Variants in ASIC2 observed in about 807,000 individuals in gnomAD.
The protein encoded by ASIC2 is acid-sensing ion channel 2.
Under a neutral mutation model 57.3 loss-of-function variants are expected in ASIC2, and 25 were observed. The ratio of observed to expected loss-of-function variants is 0.44; its 90% CI spans 0.32 to 0.61. The LOEUF (loss-of-function observed/expected upper bound fraction) is 0.61, where lower values mean the gene tolerates loss of function less well. Among genes scored for constraint, ASIC2 ranks in the 20% least tolerant of loss-of-function variants. The probability of loss-of-function intolerance (pLI) is 0.06; values close to 1 mark genes in which losing one functional copy is unlikely to be tolerated. For missense variants in ASIC2, 641 were observed against 738.1 expected (o/e 0.87, Z 1.52); for synonymous variants, 319 against 307.5 (o/e 1.04, Z -0.39).
At chr17:33,812,549 G>A (rs972182010) in intron 1 of ASIC2, among the ~76,000 whole-genome samples, 3 of 152,052 alleles carry the variant, frequency 2.0e-5, no homozygotes, top group African/African-American at 2.4e-5. Flanking sequence ...GCTCTGGCTC[G>A]CCCATATTGC....
intron 1 of ASIC2, among the ~76,000 whole-genome samples, chr17:33,426,600 C>T (rs948403629): frequency 1.3e-5 from 2 of 152,178 alleles, no homozygotes; most frequent in African/African-American, 4.8e-5. Context: ...GCCATCAGGG[C>T]TAGGCAGGTG....
At chr17:33,048,251 T>C (rs2091962702) in intron 3 of ASIC2, among the ~76,000 whole-genome samples, 1 of 152,186 alleles carries the variant, frequency 6.6e-6, no homozygotes, top group Non-Finnish European at 1.5e-5. Flanking sequence ...TAAGTGTCTG[T>C]TTTTTAAGGC....
intron 1 of ASIC2, among the ~76,000 whole-genome samples, chr17:33,733,240 A>C (rs1909802378): frequency 1.3e-5 from 2 of 152,214 alleles, no homozygotes; most frequent in South Asian, 4.1e-4. Flanking sequence ...TCTTCTTGTC[A>C]GAAGAGGGAA....
At chr17:33,531,944 G>C (rs1247587498) in intron 1 of ASIC2, among the ~76,000 whole-genome samples, 1 of 152,188 alleles carries the variant, frequency 6.6e-6, no homozygotes, top group Non-Finnish European at 1.5e-5. Context: ...AAGGGAAAAG[G>C]TATTATAATG....
chr17:33,741,327 T>A (rs1910105697), intron 1 of ASIC2, among the ~76,000 whole-genome samples: 1 of 152,232 alleles, frequency 6.6e-6, no homozygotes, highest in Non-Finnish European at 1.5e-5. Flanking sequence ...CTGGGCACTT[T>A]GTTCCTCATC....
intron 1 of ASIC2, among the ~76,000 whole-genome samples, chr17:33,779,967 CT>C (rs759850922): frequency 8.5e-4 from 72 of 85,186 alleles, no homozygotes; most frequent in East Asian, 3.5e-3. Context: ...CTACAGAAGC[CT>C]TTTTTTTTTT....
chr17:33,756,313 A>G (rs908063697), intron 1 of ASIC2, among the ~76,000 whole-genome samples: 11 of 152,234 alleles, frequency 7.2e-5, no homozygotes, highest in African/African-American at 2.7e-4. Context: ...CCAGCCCCTC[A>G]GATGGCAAGT....
chr17:33,710,279 T>C (rs1908987343), intron 1 of ASIC2, among the ~76,000 whole-genome samples: 1 of 152,228 alleles, frequency 6.6e-6, no homozygotes, highest in Non-Finnish European at 1.5e-5. Context: ...ATCCATCTAG[T>C]CACTCTTTTA....
intron 1 of ASIC2, among the ~76,000 whole-genome samples, chr17:34,143,374 T>C (rs1912325290): frequency 6.6e-6 from 1 of 152,184 alleles, no homozygotes; most frequent in African/African-American, 2.4e-5. Flanking sequence ...TGGTCCCAAA[T>C]GTGATGGTGT....
At chr17:33,411,694 T>C (rs1372401230) in intron 1 of ASIC2, among the ~76,000 whole-genome samples, 1 of 152,198 alleles carries the variant, frequency 6.6e-6, no homozygotes, top group Non-Finnish European at 1.5e-5. Context: ...AAATGAAGTC[T>C]TGGCATTTAC....
intron 1 of ASIC2, among the ~76,000 whole-genome samples, chr17:33,673,391 G>A (rs1384185785): frequency 6.6e-6 from 1 of 152,228 alleles, no homozygotes; most frequent in Non-Finnish European, 1.5e-5. Flanking sequence ...TTCTCTTGAA[G>A]CACACACTGT....
intron 1 of ASIC2, among the ~76,000 whole-genome samples, chr17:33,577,327 G>C (rs1011142888): frequency 1.3e-5 from 2 of 152,170 alleles, no homozygotes; most frequent in African/African-American, 4.8e-5. Flanking sequence ...AGCTTCAGAA[G>C]AGACTGAAGC....
chr17:33,693,007 G>T (rs948226058), intron 1 of ASIC2, among the ~76,000 whole-genome samples: 1 of 152,024 alleles, frequency 6.6e-6, no homozygotes, highest in Non-Finnish European at 1.5e-5. Context: ...ATTCTTTTTG[G>T]TGTAGGTTAT....
intron 1 of ASIC2, among the ~76,000 whole-genome samples, chr17:34,028,162 TACAATCCA>T (rs1294350528): frequency 6.6e-6 from 1 of 152,034 alleles, no homozygotes; most frequent in Non-Finnish European, 1.5e-5. Flanking sequence ...GCCCCCATGA[TACAATCCA>T]TTGCCCCCCA....
At chr17:33,677,886 T>G (rs1175012623) in intron 1 of ASIC2, among the ~76,000 whole-genome samples, 1 of 152,186 alleles carries the variant, frequency 6.6e-6, no homozygotes, top group Non-Finnish European at 1.5e-5. Context: ...TAAACTTAGT[T>G]GATAAAGCAG....
At chr17:34,151,080 G>A (rs1234503459) in intron 1 of ASIC2, among the ~76,000 whole-genome samples, 1 of 140,052 alleles carries the variant, frequency 7.1e-6, no homozygotes, top group Non-Finnish European at 1.5e-5. Context: ...TCCAGCCTGG[G>A]CAACAGAGTG....
intron 1 of ASIC2, among the ~76,000 whole-genome samples, chr17:33,927,404 A>T (rs986575061): frequency 6.6e-6 from 1 of 152,232 alleles, no homozygotes. Context: ...TGAATAAGCC[A>T]TGAGGGTTAC....
chr17:33,146,216 C>T (rs145252390), intron 1 of ASIC2, among the ~76,000 whole-genome samples: 1 of 152,296 alleles, frequency 6.6e-6, no homozygotes, highest in Non-Finnish European at 1.5e-5. Flanking sequence ...GAAAAGCTAC[C>T]ACCCACAGGA....
intron 1 of ASIC2, among the ~76,000 whole-genome samples, chr17:33,334,562 G>A (rs527731980): frequency 6.6e-6 from 1 of 152,226 alleles, no homozygotes; most frequent in Admixed American, 6.5e-5. Flanking sequence ...TATCAGTAAT[G>A]TGTCATCCTC....
Sources: allele counts gnomAD v4.1 joint callset (sites outside exome capture counted in the v4.1 genomes callset), GRCh38; gene constraint gnomAD v4.1.1; transcripts MANE v1.5; gene names NCBI Gene and HGNC (gene_info 2026-07-23, HGNC 2026-07-21).